TM4SF5: variants seen among roughly 807,000 people sequenced by gnomAD.
The protein encoded by TM4SF5 is transmembrane 4 L6 family member 5.
A neutral mutation model predicts 22.3 loss-of-function variants in TM4SF5; 16 were observed. The ratio of observed to expected loss-of-function variants is 0.72; its 90% CI spans 0.49 to 1.09. The LOEUF (loss-of-function observed/expected upper bound fraction) is 1.09, where lower values mean the gene tolerates loss of function less well. Ranked by LOEUF, TM4SF5 falls within the 50% of genes least tolerant of loss-of-function variation. The pLI is 0.00. For missense variants in TM4SF5, 249 were observed against 266.1 expected (o/e 0.94, Z 0.45); for synonymous variants, 113 against 109.6 (o/e 1.03, Z -0.19).
intron 1 of TM4SF5, among the ~76,000 whole-genome samples, chr17:4,772,767 G>C (rs1359639827): frequency 1.3e-5 from 2 of 151,078 alleles, no homozygotes; most frequent in Non-Finnish European, 2.9e-5. Flanking sequence ...CCAGGCTGGA[G>C]TGTGGTGGTG....
rs771184870 is a variant in TM4SF5 at position 4,771,938 on chromosome 17, T to C, written c.16T>C (p.Cys6Arg). MCTGK[C>R]ARCVGLSLIT... ...ACACCTCACCATGTGTACGGGAAAA[T>C]GTGCCCGCTGTGTGGGGCTCTCCCT... is the stretch of plus-strand genomic sequence containing the variant. The change falls in exon 1 of 5, where the codon TGT becomes CGT. Residue 6 changes from cysteine (C) to arginine (R), a missense_variant. Transcript: ENST00000270560. 4.3e-6 allele frequency: 7 copies of C among 1,614,154 alleles called. No homozygotes were observed. The East Asian group carries it at 1.6e-4, about 36-fold the overall frequency.
chr17:4,773,796 CCT>C (rs1282257283), intron 1 of TM4SF5, among the ~76,000 whole-genome samples: 4 of 152,286 alleles, frequency 2.6e-5, no homozygotes, highest in African/African-American at 7.2e-5. Flanking sequence ...CTGAACCACC[CCT>C]GTCTCCCCAC....
intron 2 of TM4SF5, among the ~76,000 whole-genome samples, chr17:4,781,989 G>A (rs1451987153): frequency 1.3e-5 from 2 of 152,002 alleles, no homozygotes; most frequent in Non-Finnish European, 2.9e-5. Flanking sequence ...GAAGGGTGGG[G>A]TGGGGCCTGG....
chr17:4,779,092 G>A (rs1917254628), intron 1 of TM4SF5, among the ~76,000 whole-genome samples: 1 of 151,604 alleles, frequency 6.6e-6, no homozygotes, highest in Non-Finnish European at 1.5e-5. Flanking sequence ...GTCTTGATGG[G>A]CTTCTCTGTG....
chr17:4,772,187 G>GA, intron 1 of TM4SF5, 88 bp downstream of exon 1: 1 of 1,526,312 alleles, frequency 6.6e-7, no homozygotes, highest in Non-Finnish European at 8.9e-7. Context: ...AGAGGAATAA[G>GA]AATGGTTGCT....
rs375535509 is a variant in TM4SF5, at chr17:4,782,844, C to T, written c.396-10C>T. 2 of 1,608,266 alleles carry T rather than the reference C, an allele frequency of 1.2e-6. No homozygotes were observed. The highest frequency in any genetic ancestry group is 2.7e-5 in the African/African-American group (2 of 74,846). Reference sequence around the variant, plus strand: ...CTGCCTTCTCCCACGTGGCCTCACCCCTCCCACAGGGGAGCTTACTTGCTC... The same window carrying T: ...CTGCCTTCTCCCACGTGGCCTCACCTCTCCCACAGGGGAGCTTACTTGCTC... On this transcript the variant is annotated splice_polypyrimidine_tract_variant and intron_variant, in intron 3 of 4. Coordinates refer to ENST00000270560, the MANE Select transcript of TM4SF5 (RefSeq NM_003963.3).
At chr17:4,775,731 T>C (rs7214391) in intron 1 of TM4SF5, among the ~76,000 whole-genome samples, 11,115 of 152,134 alleles carry the variant, frequency 0.073, 1,324 homozygotes, top group African/African-American at 0.25. Flanking sequence ...CCAGACATGC[T>C]TCTCACCACA....
rs192184513 is a variant in TM4SF5 at position 4,776,879 on chromosome 17, G to T, written c.178-3910G>T. On this transcript the variant is annotated intron_variant, in intron 1 of 4. Transcript: ENST00000270560. ...TTGACCACTGTGTGGAGAATGGGTA[G>T]TAGAAGGTCTGCAATATATACAGAA... Among the ~76,000 whole-genome samples the T allele has an allele frequency of 1.8e-3, 277 of 152,256 alleles. 1 individual carries two copies. The highest frequency in any genetic ancestry group is 2.3e-3 in the Non-Finnish European group (157 of 68,036).
At chr17:4,772,549 C>T (rs1917132284) in intron 1 of TM4SF5, among the ~76,000 whole-genome samples, 1 of 152,108 alleles carries the variant, frequency 6.6e-6, no homozygotes, top group South Asian at 2.1e-4. Context: ...CCTCCACGTC[C>T]ATTCACTCTC....
intron 2 of TM4SF5, among the ~76,000 whole-genome samples, chr17:4,781,734 G>C (rs1271253452): frequency 6.6e-6 from 1 of 151,890 alleles, no homozygotes; most frequent in Non-Finnish European, 1.5e-5. Context: ...AGAGTGGTCT[G>C]AAACTCCTGG....
At position 4,771,955 on chromosome 17, in the gene TM4SF5, G is replaced by A; in HGVS notation, c.33G>A (p.Gly11=). 1.2e-6 allele frequency: 2 copies of A among 1,614,152 alleles called. No individual in the cohort carries two copies. Among genetic ancestry groups the A allele is most frequent in the Non-Finnish European group, 8.5e-7 (1 of 1,180,020 alleles). ...CGGGAAAATGTGCCCGCTGTGTGGG[G>A]CTCTCCCTCATTACCCTCTGCCTCG... MCTGKCARCV[G]LSLITLCLVC... Residue 11 remains glycine, a synonymous_variant, in exon 1 of 5, where the codon GGG becomes GGA. Coordinates refer to ENST00000270560, the MANE Select transcript of TM4SF5 (RefSeq NM_003963.3).
intron 1 of TM4SF5, among the ~76,000 whole-genome samples, chr17:4,773,462 C>T (rs1170975935): frequency 6.6e-6 from 1 of 152,076 alleles, no homozygotes; most frequent in Non-Finnish European, 1.5e-5. Context: ...TATCTTCATG[C>T]GATAAAGACA....
chr17:4,772,725 T>G (rs7217326), intron 1 of TM4SF5, among the ~76,000 whole-genome samples: 41,914 of 150,166 alleles, frequency 0.28, 6,971 homozygotes, highest in Non-Finnish European at 0.38. Flanking sequence ...TTTGTTTTTT[T>G]TTTTTTTTGA....
intron 1 of TM4SF5, among the ~76,000 whole-genome samples, chr17:4,772,718 G>GTTT (rs748501797): frequency 7.1e-6 from 1 of 140,656 alleles, no homozygotes; most frequent in Non-Finnish European, 1.5e-5. Context: ...TTTGTTTTTT[G>GTTT]TTTTTTTTTT....
intron 2 of TM4SF5, among the ~76,000 whole-genome samples, chr17:4,782,105 T>C (rs904495692): frequency 4.6e-5 from 7 of 151,426 alleles, no homozygotes; most frequent in South Asian, 2.1e-4. Flanking sequence ...TTTTTTTTTT[T>C]TTTCTTTTTG....
chr17:4,782,095 T>A (rs1271976663), intron 2 of TM4SF5, among the ~76,000 whole-genome samples: 1 of 144,702 alleles, frequency 6.9e-6, no homozygotes, highest in African/African-American at 2.7e-5. Flanking sequence ...TTTCTAATTT[T>A]TTTTTTTTTT....
chr17:4,782,796 G>T lies in TM4SF5; in HGVS notation c.396-58G>T, dbSNP rs187267506. On this transcript the variant is annotated intron_variant, in intron 3 of 4. Coordinates refer to ENST00000270560, the MANE Select transcript of TM4SF5 (RefSeq NM_003963.3). ...CAAATCCCCTGGGACGTATTCTTGG[G>T]GGCGGGGTGGCGCACGCGCACGCTG... 12 of 1,580,102 alleles carry T rather than the reference G, an allele frequency of 7.6e-6. No homozygotes were observed. In the African/African-American group the frequency reaches 1.6e-4, roughly 21 times the overall value.
intron 1 of TM4SF5, among the ~76,000 whole-genome samples, chr17:4,778,630 G>A (rs1316356192): frequency 6.6e-6 from 1 of 151,932 alleles, no homozygotes; most frequent in African/African-American, 2.4e-5. Flanking sequence ...ACACACACAC[G>A]AAAGCAAGAA....
chr17:4,780,214 C>A (rs1487688292), intron 1 of TM4SF5, among the ~76,000 whole-genome samples: 1 of 152,028 alleles, frequency 6.6e-6, no homozygotes, highest in Admixed American at 6.6e-5. Context: ...CGCCACCACG[C>A]CCGGCTAATT....
Sources: allele counts gnomAD v4.1 joint callset (sites outside exome capture counted in the v4.1 genomes callset), GRCh38; gene constraint gnomAD v4.1.1; transcripts MANE v1.5; gene names NCBI Gene and HGNC (gene_info 2026-07-23, HGNC 2026-07-21).